The following LRRC20 variants were observed in gnomAD, a reference collection of about 807,000 sequenced individuals.
LRRC20 encodes the protein leucine rich repeat containing 20.
Under a neutral mutation model 14.4 loss-of-function variants are expected in LRRC20, and 11 were observed. The ratio of observed to expected loss-of-function variants is 0.77; its 90% CI spans 0.48 to 1.27. The LOEUF is 1.27. Among genes scored for constraint, LRRC20 ranks in the 50% most tolerant of loss-of-function variants. The pLI, the probability that LRRC20 is intolerant of heterozygous loss-of-function variation, is 0.00. For missense variants in LRRC20, 219 were observed against 251.2 expected (o/e 0.87, Z 0.87); for synonymous variants, 121 against 107.3 (o/e 1.13, Z -0.79).
chr10:70,369,878 G>A (rs1844196885), intron 2 of LRRC20, among the ~76,000 whole-genome samples: 1 of 14,276 alleles, frequency 7.0e-5, no homozygotes, highest in Non-Finnish European at 1.8e-4. Flanking sequence ...TCAGGAGTTC[G>A]AGACCAGCCT....
At chr10:70,347,704 A>G (rs539594360) in intron 2 of LRRC20, among the ~76,000 whole-genome samples, 1 of 151,834 alleles carries the variant, frequency 6.6e-6, no homozygotes, top group South Asian at 2.1e-4. Flanking sequence ...CTATAATCCC[A>G]GCTACTTGGG....
chr10:70,313,520 C>G (rs1444273912), intron 4 of LRRC20, among the ~76,000 whole-genome samples: 1 of 152,178 alleles, frequency 6.6e-6, no homozygotes, highest in East Asian at 1.9e-4. Context: ...GCAGAGAAAT[C>G]TGACATAGCT....
rs943964562 is a variant in LRRC20 at position 70,300,837 on chromosome 10, C to T, written c.*517G>A. On this transcript the variant is annotated 3_prime_UTR_variant, in exon 5 of 5. Coordinates refer to ENST00000446961, the MANE Select transcript of LRRC20 (RefSeq NM_001278212.2). The stretch of plus-strand genomic sequence containing the variant: ...CCACAGGACTGAAGACTGGGCCCTG[C>T]AGAGGGCCGCATCCAGGTCAGTTCT... The T allele has an allele frequency of 2.2e-5, 22 of 985,972 alleles. No homozygotes were observed. Among genetic ancestry groups the T allele is most frequent in the South Asian group, 4.7e-5 (1 of 21,328 alleles). The allele number at this position is 985,972 out of a possible 1,614,324, so 61.1% of individuals were successfully genotyped here.
At chr10:70,363,014 T>TC in intron 2 of LRRC20, among the ~76,000 whole-genome samples, 1 of 151,966 alleles carries the variant, frequency 6.6e-6, no homozygotes, top group South Asian at 2.1e-4. Context: ...GTAACACCTA[T>TC]AATCTCAAGA....
chr10:70,320,757 C>T (rs967747756), intron 4 of LRRC20, among the ~76,000 whole-genome samples: 4 of 152,208 alleles, frequency 2.6e-5, no homozygotes, highest in African/African-American at 9.7e-5. Context: ...GGGCATTTAG[C>T]TACCAGTGAG....
intron 2 of LRRC20, among the ~76,000 whole-genome samples, chr10:70,359,930 T>C (rs1459346104): frequency 1.3e-5 from 2 of 151,550 alleles, no homozygotes; most frequent in Non-Finnish European, 2.9e-5. Flanking sequence ...TTTTTTTTTT[T>C]TTTTGAGGTG....
At chr10:70,346,854 T>C in intron 2 of LRRC20, among the ~76,000 whole-genome samples, 1 of 152,356 alleles carries the variant, frequency 6.6e-6, no homozygotes, top group South Asian at 2.1e-4. Context: ...ACAGTGATAC[T>C]TTACTTTTAA....
intron 3 of LRRC20, among the ~76,000 whole-genome samples, chr10:70,331,101 C>T (rs1842521814): frequency 6.6e-6 from 1 of 152,188 alleles, no homozygotes; most frequent in African/African-American, 2.4e-5. Flanking sequence ...ACTGAAATTC[C>T]TTGTGGAGAG....
chr10:70,317,384 G>A (rs1252907716), intron 4 of LRRC20, among the ~76,000 whole-genome samples: 2 of 151,012 alleles, frequency 1.3e-5, no homozygotes, highest in Non-Finnish European at 2.9e-5. Flanking sequence ...TGTTGTTGCT[G>A]TTGTTGAGAC....
chr10:70,330,941 A>T (rs1842512174), intron 3 of LRRC20, among the ~76,000 whole-genome samples: 1 of 152,230 alleles, frequency 6.6e-6, no homozygotes, highest in South Asian at 2.1e-4. Context: ...TTCCATGGCA[A>T]AGAGCCTGAC....
At chr10:70,312,942 A>T (rs1374899180) in intron 4 of LRRC20, among the ~76,000 whole-genome samples, 2 of 152,238 alleles carry the variant, frequency 1.3e-5, no homozygotes, top group African/African-American at 4.8e-5. Flanking sequence ...CTGCAGGGAA[A>T]GAAAAGCAAA....
chr10:70,347,477 C>T (rs1247415738), intron 2 of LRRC20, among the ~76,000 whole-genome samples: 1 of 152,162 alleles, frequency 6.6e-6, no homozygotes, highest in Non-Finnish European at 1.5e-5. Context: ...GGGCCATCTA[C>T]ACACCATCCC....
intron 2 of LRRC20, among the ~76,000 whole-genome samples, chr10:70,350,131 A>C (rs922909961): frequency 6.9e-6 from 1 of 144,530 alleles, no homozygotes; most frequent in Non-Finnish European, 1.5e-5. Context: ...TTTAGTGCTA[A>C]ATGGCGGTCA....
At chr10:70,379,017 T>C (rs1050423497) in intron 1 of LRRC20, among the ~76,000 whole-genome samples, 1 of 152,158 alleles carries the variant, frequency 6.6e-6, no homozygotes, top group African/African-American at 2.4e-5. Context: ...GGCCAGGGAA[T>C]AGACCTATAC....
At chr10:70,310,132 C>G (rs1841597920) in intron 4 of LRRC20, among the ~76,000 whole-genome samples, 1 of 152,238 alleles carries the variant, frequency 6.6e-6, no homozygotes, top group Non-Finnish European at 1.5e-5. Context: ...CATGCCAAAG[C>G]TGGCAGAACC....
chr10:70,323,853 G>T lies in LRRC20; in HGVS notation c.400+10C>A, dbSNP rs554911026. ...AGCAGCCCAGGGCCAGGTGGGCCAGGCCCACTCACCTACGATCTCGTTCTC... is the reference window on the plus strand; with the variant it reads ...AGCAGCCCAGGGCCAGGTGGGCCAGTCCCACTCACCTACGATCTCGTTCTC... On this transcript the variant is annotated intron_variant, in intron 4 of 4. Coordinates refer to ENST00000446961, the MANE Select transcript of LRRC20 (RefSeq NM_001278212.2). 6.1e-5 allele frequency: 99 copies of T among 1,613,964 alleles called. 2 individuals carry two copies. In the East Asian group the frequency reaches 2.1e-3, roughly 35 times the overall value.
chr10:70,380,907 A>G (rs1236110679), intron 1 of LRRC20, among the ~76,000 whole-genome samples: 1 of 152,222 alleles, frequency 6.6e-6, no homozygotes, highest in African/African-American at 2.4e-5. Context: ...TGATAGTAGT[A>G]AGGCTACAGG....
intron 3 of LRRC20, 89 bp downstream of exon 3, chr10:70,340,463 AC>A: frequency 6.8e-7 from 1 of 1,477,038 alleles, no homozygotes; most frequent in South Asian, 1.2e-5. Context: ...CTGACCAGGG[AC>A]CAGCTCTGGT....
At chr10:70,310,982 T>C (rs1841633103) in intron 4 of LRRC20, among the ~76,000 whole-genome samples, 1 of 152,256 alleles carries the variant, frequency 6.6e-6, no homozygotes, top group Admixed American at 6.5e-5. Context: ...TCTTGGTATA[T>C]GGCCTTCCCC....
Sources: gnomAD v4.1 joint callset for allele counts (sites outside exome capture counted in the v4.1 genomes callset) on GRCh38, gnomAD v4.1.1 for gene constraint, MANE v1.5 for transcripts, NCBI Gene and HGNC (gene_info 2026-07-23, HGNC 2026-07-21) for gene names.